The following RMDN2 variants were observed in gnomAD, a reference collection of about 807,000 sequenced individuals.
RMDN2 encodes regulator of microtubule dynamics 2, also known as regulator of microtubule dynamics protein 2.
Under a neutral mutation model 52.8 loss-of-function variants are expected in RMDN2, and 61 were observed. That is an observed-to-expected ratio of 1.16 (90% CI 0.94 to 1.43). The LOEUF (loss-of-function observed/expected upper bound fraction) is 1.43, where lower values mean the gene tolerates loss of function less well. Among genes scored for constraint, RMDN2 ranks in the 40% most tolerant of loss-of-function variants. The pLI is 0.00. For synonymous variants in RMDN2, 180 were observed against 153.1 expected (o/e 1.18, Z -1.30); for missense variants, 592 against 475.3 (o/e 1.25, Z -2.28).
At chr2:38,038,296 C>A (rs112998687) in intron 10 of RMDN2, among the ~76,000 whole-genome samples, 73 of 152,244 alleles carry the variant, frequency 4.8e-4, no homozygotes, top group African/African-American at 1.7e-3. Context: ...GGGCGGACGC[C>A]GACTGCGAGT....
chr2:37,957,729 TCCTGAATGGTATTG>T (rs1444238327), intron 2 of RMDN2, among the ~76,000 whole-genome samples: 5 of 152,338 alleles, frequency 3.3e-5, no homozygotes, highest in South Asian at 2.1e-4. Flanking sequence ...CATGCCTATG[TCCTGAATGGTATTG>T]CCTAGGTTTT....
chr2:38,047,464 A>G (rs570294026), intron 10 of RMDN2, among the ~76,000 whole-genome samples: 1 of 152,260 alleles, frequency 6.6e-6, no homozygotes, highest in African/African-American at 2.4e-5. Context: ...TACATGCTAC[A>G]AAGTAGATGA....
chr2:38,035,238 CA>C (rs1680493533), intron 10 of RMDN2, among the ~76,000 whole-genome samples: 2 of 151,922 alleles, frequency 1.3e-5, no homozygotes, highest in Admixed American at 1.3e-4. Flanking sequence ...AAAACAAGAT[CA>C]AATATCTAGG....
At chr2:38,028,427 C>G (rs1466465542) in intron 10 of RMDN2, among the ~76,000 whole-genome samples, 6 of 152,114 alleles carry the variant, frequency 3.9e-5, no homozygotes, top group Admixed American at 2.6e-4. Context: ...ATGTTATTTT[C>G]TATTGAAAGG....
chr2:37,978,922 G>C (rs1672940363), intron 4 of RMDN2, among the ~76,000 whole-genome samples: 1 of 152,188 alleles, frequency 6.6e-6, no homozygotes, highest in Non-Finnish European at 1.5e-5. Context: ...TTTGCCATAG[G>C]TAAAATCGCT....
chr2:37,922,778 T>C (rs1666067450), upstream of RMDN2, among the ~76,000 whole-genome samples: 1 of 152,206 alleles, frequency 6.6e-6, no homozygotes, highest in Non-Finnish European at 1.5e-5. Flanking sequence ...GTGTAGCTTC[T>C]CAAGGGAAAG....
chr2:38,028,103 AT>A (rs1202491501), intron 10 of RMDN2: 2 of 152,230 alleles, frequency 1.3e-5, no homozygotes, highest in Non-Finnish European at 2.9e-5. Context: ...TTAATCAAAC[AT>A]TTATTGAGCT....
At chr2:38,013,960 A>G (rs972015732) in intron 10 of RMDN2, among the ~76,000 whole-genome samples, 2 of 152,068 alleles carry the variant, frequency 1.3e-5, no homozygotes, top group Admixed American at 6.6e-5. Context: ...TAATCCCAGC[A>G]CTTTGGGCGG....
At position 38,017,461 on chromosome 2, in the gene RMDN2, C is replaced by A; in HGVS notation, c.*222C>A. On this transcript the variant is annotated 3_prime_UTR_variant, in exon 11 of 11. Transcript: ENST00000354545. ...ATAATGTCAATACATAATCTATAAA[C>A]ATGTATGCTTTATATTTTTCTTATC... The A allele has an allele frequency of 8.7e-7, 1 of 1,148,512 alleles. No individual in the cohort carries two copies. Among genetic ancestry groups the A allele is most frequent in the Non-Finnish European group, 1.2e-6 (1 of 865,050 alleles). The allele number at this position is 1,148,512 out of a possible 1,614,324, so 71.1% of individuals were successfully genotyped here.
chr2:38,030,248 T>C (rs1198863822), intron 10 of RMDN2: 2 of 152,244 alleles, frequency 1.3e-5, no homozygotes, highest in Non-Finnish European at 2.9e-5. Flanking sequence ...CTTTATTTTT[T>C]ACTGTTACAC....
intron 2 of RMDN2, among the ~76,000 whole-genome samples, chr2:37,965,291 AT>A (rs1473858574): frequency 7.1e-6 from 1 of 140,822 alleles, no homozygotes; most frequent in Non-Finnish European, 1.5e-5. Context: ...TATGCCATAG[AT>A]TTTTTTGTCC....
intron 4 of RMDN2, among the ~76,000 whole-genome samples, chr2:37,981,035 G>A (rs1386567343): frequency 6.6e-6 from 1 of 152,146 alleles, no homozygotes; most frequent in Non-Finnish European, 1.5e-5. Flanking sequence ...TTAGTCTAGT[G>A]GGTGTCAAAC....
chr2:37,991,041 T>G (rs895667541), intron 6 of RMDN2, among the ~76,000 whole-genome samples, 179 bp from the exon 7 acceptor site: 1 of 152,234 alleles, frequency 6.6e-6, no homozygotes, highest in Non-Finnish European at 1.5e-5. Flanking sequence ...CTGGTTCTGG[T>G]TGTAAGCAAT....
chr2:38,019,403 C>A (rs1351320287), downstream of RMDN2, among the ~76,000 whole-genome samples: 1 of 152,174 alleles, frequency 6.6e-6, no homozygotes, highest in Admixed American at 6.5e-5. Flanking sequence ...CATAATATGT[C>A]TTCAATGGAC....
intron 10 of RMDN2, chr2:38,012,570 C>G (rs902423679): frequency 2.1e-6 from 1 of 466,510 alleles, no homozygotes; most frequent in Non-Finnish European, 4.4e-6. Flanking sequence ...ATAGTATGAG[C>G]AAATATTTCT....
chr2:38,007,038 C>A (rs1677201879), intron 10 of RMDN2, among the ~76,000 whole-genome samples: 2 of 152,186 alleles, frequency 1.3e-5, no homozygotes, highest in South Asian at 4.1e-4. Flanking sequence ...ACCAGCCTTG[C>A]ATCCCAGGGA....
chr2:37,985,903 T>C (rs1425539804), intron 5 of RMDN2, among the ~76,000 whole-genome samples: 5 of 152,178 alleles, frequency 3.3e-5, no homozygotes, highest in Admixed American at 1.3e-4. Flanking sequence ...TATTGGTTCA[T>C]TGTGACAATT....
rs60099854 is a variant in RMDN2 at position 38,031,682 on chromosome 2, A to T, written c.1713+27466A>T. On this transcript the variant is annotated intron_variant, in intron 10 of 10. Transcript: ENST00000234195. ...ACTCAACTAAGTATTAGTGACTATTATCAACACCTGGCTTCTTTACAAAGA... is the reference window on the plus strand; with the variant it reads ...ACTCAACTAAGTATTAGTGACTATTTTCAACACCTGGCTTCTTTACAAAGA... 3.8e-3 allele frequency among the ~76,000 whole-genome samples: 574 copies of T among 152,258 alleles called. 5 individuals are homozygous for T. The highest frequency in any genetic ancestry group is 0.013 in the African/African-American group (535 of 41,524).
intron 10 of RMDN2, among the ~76,000 whole-genome samples, chr2:38,056,023 C>G (rs934584224): frequency 7.2e-5 from 11 of 152,216 alleles, no homozygotes; most frequent in Admixed American, 4.6e-4. Context: ...CACACACACA[C>G]TGCATGCAAA....
Sources: allele counts gnomAD v4.1 joint callset (sites outside exome capture counted in the v4.1 genomes callset), GRCh38; gene constraint gnomAD v4.1.1; transcripts MANE v1.5; gene names NCBI Gene and HGNC (gene_info 2026-07-23, HGNC 2026-07-21).